Variants in IFT140 observed in about 807,000 individuals in gnomAD.
IFT140 encodes the protein intraflagellar transport protein 140 homolog.
A neutral mutation model predicts 164.6 loss-of-function variants in IFT140; 133 were observed. The ratio of observed to expected loss-of-function variants is 0.81; its 90% CI spans 0.70 to 0.93. IFT140 has a LOEUF of 0.93. IFT140 is among the 40% of genes least tolerant of loss of function. The pLI, the probability that IFT140 is intolerant of heterozygous loss-of-function variation, is 0.00. For synonymous variants in IFT140, 860 were observed against 817.3 expected (o/e 1.05, Z -0.89); for missense variants, 2,045 against 1,972.3 (o/e 1.04, Z -0.70).
At chr16:1,606,842 A>G (rs1046331787) in intron 3 of IFT140, among the ~76,000 whole-genome samples, 12 of 151,804 alleles carry the variant, frequency 7.9e-5, no homozygotes, top group African/African-American at 2.9e-4. Context: ...ACACACACAC[A>G]CGTGTGCACA....
intron 18 of IFT140, among the ~76,000 whole-genome samples, chr16:1,559,640 G>T (rs2033296976): frequency 6.6e-6 from 1 of 152,214 alleles, no homozygotes; most frequent in Non-Finnish European, 1.5e-5. Context: ...GGAAAGAGCT[G>T]CTGTGTCACA....
chr16:1,545,851 A>G (rs1186719643), intron 19 of IFT140, among the ~76,000 whole-genome samples: 1 of 152,214 alleles, frequency 6.6e-6, no homozygotes, highest in African/African-American at 2.4e-5. Flanking sequence ...CATGCTCAGC[A>G]CGACGTCTGG....
In IFT140 at chr16:1,556,671, A is replaced by G. The variant is rs543455374; in HGVS notation, c.2399+1264T>C. Among the ~76,000 whole-genome samples, 4 of 152,366 alleles carry G rather than the reference A, an allele frequency of 2.6e-5. No individual in the cohort carries two copies. The South Asian group carries it at 8.3e-4, about 32-fold the overall frequency. On this transcript the variant is annotated intron_variant, in intron 19 of 30. Transcript: ENST00000426508. ...ACTCAGCACACAGCGTAGAAATACC[A>G]GATTCACGTCCACAGTACACACTAG...
chr16:1,534,502 T>C (rs1464265457), intron 19 of IFT140: 29 of 1,608,872 alleles, frequency 1.8e-5, no homozygotes, highest in Non-Finnish European at 2.3e-5. Flanking sequence ...TGTGAGGCGC[T>C]GGGCTGGGGC....
At chr16:1,609,413 C>T (rs771379658) in intron 2 of IFT140, among the ~76,000 whole-genome samples, 2 of 152,152 alleles carry the variant, frequency 1.3e-5, no homozygotes, top group South Asian at 2.1e-4. Flanking sequence ...TTGTCGTGTG[C>T]TTCTTGCCCA....
Position 1,523,419 on chromosome 16 carries a change from C to T in IFT140, c.3453+99G>A, listed in dbSNP as rs2040580894. ...CCCACCGCAGCCTTCCTGGAGAACTCATAACCAAGCAAGCAGCCATTCCCA... is the reference window on the plus strand; with the variant it reads ...CCCACCGCAGCCTTCCTGGAGAACTTATAACCAAGCAAGCAGCCATTCCCA... On this transcript the variant is annotated intron_variant, in intron 26 of 30. Transcript: ENST00000426508. 3.0e-6 allele frequency: 4 copies of T among 1,340,462 alleles called. No individual in the cohort carries two copies. The African/African-American group carries it at 5.7e-5, about 19-fold the overall frequency. 83.0% of individuals were successfully genotyped at this position (1,340,462 alleles called of 1,614,324 possible). A position where few individuals can be genotyped will look rare whatever the true frequency, so the allele number is the denominator to read the frequency against.
At position 1,556,335 on chromosome 16, in the gene IFT140, C is replaced by T. The variant is rs138001290; in HGVS notation, c.2399+1600G>A. Among the ~76,000 whole-genome samples the T allele has an allele frequency of 2.9e-3, 445 of 152,362 alleles. 10 individuals are homozygous for T. The highest frequency in any genetic ancestry group is 0.021 in the East Asian group (111 of 5,182). ...ACCCAGAACCCAGAACCCAAGGCTG[C>T]CTGGCCACACTACAACCAGCGCTGC... On this transcript the variant is annotated intron_variant, in intron 19 of 30. Coordinates refer to ENST00000426508, the MANE Select transcript of IFT140 (RefSeq NM_014714.4).
intron 19 of IFT140, chr16:1,554,194 G>A (rs2032905053): frequency 2.4e-5 from 28 of 1,176,322 alleles, no homozygotes; most frequent in Non-Finnish European, 3.1e-5. Context: ...TGCCTGAGCT[G>A]CAGACTCCAG....
At chr16:1,608,072 G>A (rs983713424) in intron 2 of IFT140, among the ~76,000 whole-genome samples, 8 of 150,386 alleles carry the variant, frequency 5.3e-5, no homozygotes, top group Non-Finnish European at 1.2e-4. Flanking sequence ...TGACTCACAG[G>A]TGGTAGAAGA....
At chr16:1,589,526 G>A in intron 7 of IFT140, 79 bp downstream of exon 7, 1 of 1,455,332 alleles carries the variant, frequency 6.9e-7, no homozygotes, top group East Asian at 2.3e-5. Flanking sequence ...CTATCCAGAA[G>A]AGAAAGGGCC....
At chr16:1,516,769 C>CAAAA (rs777538656) in intron 30 of IFT140, among the ~76,000 whole-genome samples, 2 of 53,152 alleles carry the variant, frequency 3.8e-5, no homozygotes, top group East Asian at 6.0e-4. Context: ...CACTCTGTCT[C>CAAAA]AAAAAAAAAA....
rs546591490 is a variant in IFT140 at position 1,606,920 on chromosome 16, G to A, written c.147+200C>T. On this transcript the variant is annotated intron_variant, in intron 3 of 30. Transcript: ENST00000426508. ...CACACACCCATATGCACACACCCAC[G>A]TGTGCGCACACACACACAGATGCAG... is the stretch of plus-strand genomic sequence containing the variant. Among the ~76,000 whole-genome samples the A allele has an allele frequency of 3.3e-5, 5 of 150,816 alleles. No homozygotes were observed. In the South Asian group the frequency reaches 6.3e-4, roughly 19 times the overall value.
intron 19 of IFT140, among the ~76,000 whole-genome samples, chr16:1,537,986 C>T (rs533291368): frequency 6.6e-5 from 10 of 152,356 alleles, no homozygotes; most frequent in African/African-American, 1.4e-4. Flanking sequence ...ACGTTCTCAC[C>T]GACACCTTTA....
Position 1,547,096 on chromosome 16 carries a change from C to T in IFT140, c.2399+10839G>A, listed in dbSNP as rs891782292. ...GAGGTGGGCATGATGCCGAAGGCTT[C>T]TCGCCTGCTTCTTCCTTGAAACAGT... On this transcript the variant is annotated intron_variant, in intron 19 of 30. Coordinates refer to ENST00000426508, the MANE Select transcript of IFT140 (RefSeq NM_014714.4). Among the ~76,000 whole-genome samples the T allele has an allele frequency of 2.0e-5, 3 of 152,244 alleles. No individual in the cohort carries two copies. In the South Asian group the frequency reaches 6.2e-4, roughly 31 times the overall value.
intron 13 of IFT140, among the ~76,000 whole-genome samples, chr16:1,571,817 C>T (rs117559450): frequency 3.1e-3 from 470 of 152,228 alleles, no homozygotes; most frequent in Non-Finnish European, 3.7e-3. Flanking sequence ...GACAGCAGTG[C>T]GGTCGACAAA....
At chr16:1,601,983 G>A (rs917259085) in intron 4 of IFT140, among the ~76,000 whole-genome samples, 3 of 152,210 alleles carry the variant, frequency 2.0e-5, no homozygotes, top group African/African-American at 7.2e-5. Flanking sequence ...CACCCACAGG[G>A]GTCCAGCTGA....
At chr16:1,524,345 A>T in intron 24 of IFT140, 1 of 669,700 alleles carries the variant, frequency 1.5e-6, no homozygotes, top group Non-Finnish European at 2.4e-6. Context: ...TCTGGGGACA[A>T]TTCAGTGCTT....
At chr16:1,546,037 C>T (rs896138312) in intron 19 of IFT140, among the ~76,000 whole-genome samples, 1 of 152,242 alleles carries the variant, frequency 6.6e-6, no homozygotes, top group Non-Finnish European at 1.5e-5. Context: ...AGCTTCTCCC[C>T]TCTCCTCCTC....
intron 4 of IFT140, among the ~76,000 whole-genome samples, chr16:1,599,462 AG>A (rs2035654111): frequency 1.3e-5 from 1 of 77,278 alleles, no homozygotes; most frequent in Non-Finnish European, 2.4e-5. Flanking sequence ...GCCGTCCGGG[AG>A]GGAGGTGGGG....
Sources: gnomAD v4.1 joint callset for allele counts (sites outside exome capture counted in the v4.1 genomes callset) on GRCh38, gnomAD v4.1.1 for gene constraint, MANE v1.5 for transcripts, NCBI Gene and HGNC (gene_info 2026-07-23, HGNC 2026-07-21) for gene names.